The following DST variants were observed in gnomAD, a reference collection of about 807,000 sequenced individuals.
DST encodes dystonin.
Under a neutral mutation model 875.2 loss-of-function variants are expected in DST, and 253 were observed. That is an observed-to-expected ratio of 0.29 (90% CI 0.26 to 0.32). The LOEUF (loss-of-function observed/expected upper bound fraction) is 0.32, where lower values mean the gene tolerates loss of function less well. DST is among the 10% of genes least tolerant of loss of function. DST has a pLI of 1.00. For synonymous variants in DST, 3,124 were observed against 3,197.1 expected, an observed-to-expected ratio of 0.98 and a Z score of 0.77; for missense variants, 8,287 against 9,111.6, an observed-to-expected ratio of 0.91 and a Z score of 3.68.
intron 12 of DST, among the ~76,000 whole-genome samples, chr6:56,649,353 A>G (rs1399224381): frequency 2.6e-5 from 4 of 152,256 alleles, no homozygotes; most frequent in Non-Finnish European, 5.9e-5. Flanking sequence ...TCAAGGAGTT[A>G]CTGTCTAAAT....
At position 56,606,456 on chromosome 6, in the gene DST, T is replaced by G; in HGVS notation, c.8172A>C (p.Gly2724=). Residue 2724 remains glycine, a synonymous_variant, in exon 40 of 104, where the codon GGA becomes GGC. Transcript: ENST00000680361. ...GGATATTTGTGCATTCCCTTTCTGA[T>G]CCAGTTTCCAGTGACTGTCCATTCA... is the stretch of plus-strand genomic sequence containing the variant. ...DKVNGQSLET[G]SERECTNILE... The G allele has an allele frequency of 6.2e-7, 1 of 1,613,342 alleles. No homozygotes were observed. Among genetic ancestry groups the G allele is most frequent in the Non-Finnish European group, 8.5e-7 (1 of 1,179,492 alleles).
At chr6:56,530,394 G>A (rs1236446237) in intron 64 of DST, among the ~76,000 whole-genome samples, 1 of 152,134 alleles carries the variant, frequency 6.6e-6, no homozygotes, top group Non-Finnish European at 1.5e-5. Context: ...ACTTCCAATA[G>A]TTACAGTTAT....
chr6:56,844,300 A>G (rs905330064), intron 4 of DST, among the ~76,000 whole-genome samples: 4 of 152,084 alleles, frequency 2.6e-5, no homozygotes, highest in Admixed American at 2.6e-4. Flanking sequence ...GCTGCCGAGT[A>G]CCAGCCTGCG....
At chr6:56,648,479 T>A (rs1018613882) in intron 13 of DST, 91 bp downstream of exon 13, 1 of 1,307,488 alleles carries the variant, frequency 7.6e-7, no homozygotes, top group Non-Finnish European at 1.0e-6. Context: ...GGGCAACTTT[T>A]GTTGAACTTC....
intron 4 of DST, among the ~76,000 whole-genome samples, chr6:56,828,496 C>T (rs995989987): frequency 6.6e-6 from 1 of 152,182 alleles, no homozygotes; most frequent in African/African-American, 2.4e-5. Context: ...TCTGTCTTTG[C>T]TATTGCTTCA....
At position 56,593,212 on chromosome 6, in the gene DST, C is replaced by T. The variant is rs117061655; in HGVS notation, c.12726+451G>A. Among the ~76,000 whole-genome samples, 5 of 152,150 alleles carry T rather than the reference C, an allele frequency of 3.3e-5. No homozygotes were observed. The East Asian group carries it at 9.6e-4, about 29-fold the overall frequency. ...TTAAATACATTGTTCAGAAGTAAAG[C>T]AGGTGAATAAGATAGAGAGAAGGCT... is the stretch of plus-strand genomic sequence containing the variant. On this transcript the variant is annotated intron_variant, in intron 48 of 103. Transcript: ENST00000680361.
At chr6:56,599,348 C>A (rs2098421648) in intron 45 of DST, among the ~76,000 whole-genome samples, 1 of 151,880 alleles carries the variant, frequency 6.6e-6, no homozygotes, top group Admixed American at 6.6e-5. Flanking sequence ...TTTTTCCATA[C>A]TTTATTTTAA....
At position 56,497,955 on chromosome 6, in the gene DST, G is replaced by T. The variant is rs1203066616; in HGVS notation, c.19995C>A (p.Ser6665Arg). The change falls in exon 81 of 104, where the codon AGC becomes AGA. Residue 6665 changes from serine to arginine, a missense_variant. This residue lies in a region of DST where 1,292 missense variants were observed against 1,552.7 expected (regional missense o/e 0.83). Transcript: ENST00000680361. ...AAACCTCTAGCTTGTTCTGAAGGTT[G>T]CTTGCTTCTTCTCCTGCACTTGATT... The part of the protein sequence containing the change: ...LIESSAGEEA[S>R]NLQNKLEVLN... 1 of 1,613,322 alleles carries T rather than the reference G, an allele frequency of 6.2e-7. No individual in the cohort carries two copies. The highest frequency in any genetic ancestry group is 1.7e-5 in the Admixed American group (1 of 59,902).
intron 5 of DST, among the ~76,000 whole-genome samples, chr6:56,721,089 G>A (rs62412546): frequency 0.011 from 1,603 of 150,690 alleles, 27 homozygotes; most frequent in African/African-American, 0.035. Context: ...CAGACGGGGC[G>A]GCTGCCGGGC....
chr6:56,724,573 T>C (rs1378931570), intron 5 of DST, among the ~76,000 whole-genome samples: 1 of 152,248 alleles, frequency 6.6e-6, no homozygotes, highest in Non-Finnish European at 1.5e-5. Context: ...GCAAATTATC[T>C]AATCTCGGCT....
In DST at chr6:56,530,531, ACAG is replaced by A. The variant is rs1219941106; in HGVS notation, c.17109-401_17109-399del. On this transcript the variant is annotated intron_variant, in intron 64 of 103. Transcript: ENST00000680361. ...TTATATATTAATTTCAATTGGAGCA[ACAG>A]TTACTGAGATTGCTCTTAATCAAAT... Among the ~76,000 whole-genome samples the A allele has an allele frequency of 3.3e-5, 5 of 152,320 alleles. No homozygotes were observed. The East Asian group carries it at 9.6e-4, about 29-fold the overall frequency.
chr6:56,954,472 T>A lies in DST; in HGVS notation c.116A>T (p.His39Leu), dbSNP rs780248103. 5 of 1,367,252 alleles carry A rather than the reference T, an allele frequency of 3.7e-6. No homozygotes were observed. Among genetic ancestry groups the A allele is most frequent in the Middle Eastern group, 2.1e-4 (1 of 4,790 alleles). 84.7% of individuals were successfully genotyped at this position (1,367,252 alleles called of 1,614,324 possible). A position where few individuals can be genotyped will look rare whatever the true frequency, so the allele number is the denominator to read the frequency against. Residue 39 changes from histidine (H) to leucine (L), a missense_variant, in exon 1 of 104, where the codon CAC becomes CTC. Coordinates refer to ENST00000680361, the MANE Select transcript of DST (RefSeq NM_001374736.1). Reference sequence around the variant, plus strand: ...ATGCCTCCCTTTCTGGAGCTTGCGGTGCCAGCAGCAGAAGAAGACGATGGT... The same window carrying A: ...ATGCCTCCCTTTCTGGAGCTTGCGGAGCCAGCAGCAGAAGAAGACGATGGT... ...IATIVFFCCW[H>L]RKLQKGRHPM...
intron 3 of DST, among the ~76,000 whole-genome samples, chr6:56,888,617 G>A (rs1785791455): frequency 6.6e-6 from 1 of 152,118 alleles, no homozygotes; most frequent in East Asian, 1.9e-4. Flanking sequence ...AGCAGGAAAG[G>A]AACACAGAAA....
At chr6:56,551,642 A>C (rs59948116) in intron 61 of DST, among the ~76,000 whole-genome samples, 1,927 of 152,260 alleles carry the variant, frequency 0.013, 47 homozygotes, top group African/African-American at 0.045. Context: ...ATTCACCTCT[A>C]ATCCTCTGGG....
chr6:56,914,712 A>T (rs1016467562), intron 2 of DST, among the ~76,000 whole-genome samples: 5 of 152,236 alleles, frequency 3.3e-5, no homozygotes, highest in Non-Finnish European at 7.3e-5. Context: ...ATAACTTACG[A>T]ACCATATTTA....
intron 15 of DST, among the ~76,000 whole-genome samples, chr6:56,644,390 T>C (rs950470295): frequency 3.3e-5 from 5 of 151,700 alleles, no homozygotes; most frequent in African/African-American, 1.2e-4. Flanking sequence ...ATTTATTTTA[T>C]GCATTATTTC....
In DST at chr6:56,800,261, T is replaced by A. The variant is rs2099745166; in HGVS notation, c.625+51136A>T. Among the ~76,000 whole-genome samples the A allele has an allele frequency of 2.0e-5, 3 of 152,224 alleles. No homozygotes were observed. In the South Asian group the frequency reaches 6.2e-4, roughly 32 times the overall value. On this transcript the variant is annotated intron_variant, in intron 4 of 103. Coordinates refer to ENST00000680361, the MANE Select transcript of DST (RefSeq NM_001374736.1). ...CTGTTTGATTTTGTAATCATGTGCA[T>A]ATAGTATAGTGTTTTGAAAGTTATT...
chr6:56,589,381 A>G (rs558237471), intron 49 of DST, among the ~76,000 whole-genome samples: 8 of 152,294 alleles, frequency 5.3e-5, no homozygotes, highest in Admixed American at 2.6e-4. Flanking sequence ...AGTTGTTTAT[A>G]GTGCTATTTT....
chr6:56,871,056 A>T, intron 3 of DST: 1 of 441,914 alleles, frequency 2.3e-6, no homozygotes, highest in Non-Finnish European at 4.1e-6. Flanking sequence ...GAAGAAAAAT[A>T]GCAAATGAAA....
Sources: allele counts gnomAD v4.1 joint callset (sites outside exome capture counted in the v4.1 genomes callset), GRCh38; gene constraint gnomAD v4.1.1; regional missense constraint gnomAD v4.1.1; transcripts MANE v1.5; gene names NCBI Gene and HGNC (gene_info 2026-07-23, HGNC 2026-07-21).